NPNT: variants seen among roughly 807,000 people sequenced by gnomAD.
The protein encoded by NPNT is nephronectin.
NPNT carries 45 observed loss-of-function variants against 68.6 expected under a neutral mutation model. The ratio of observed to expected loss-of-function variants is 0.66; its 90% CI spans 0.52 to 0.84. The LOEUF is 0.84. Among genes scored for constraint, NPNT ranks in the 40% least tolerant of loss-of-function variants. The probability of loss-of-function intolerance (pLI) is 0.00; values close to 1 mark genes in which losing one functional copy is unlikely to be tolerated. For synonymous variants in NPNT, 233 were observed against 253.3 expected (o/e 0.92, Z 0.76); for missense variants, 672 against 714.8 (o/e 0.94, Z 0.68).
chr4:105,937,581 T>A (rs528689532), intron 4 of NPNT, among the ~76,000 whole-genome samples: 2 of 152,050 alleles, frequency 1.3e-5, no homozygotes, highest in Admixed American at 6.6e-5. Flanking sequence ...TATAAAAGCC[T>A]TTAGGCTTTT....
intron 3 of NPNT, chr4:105,932,544 C>T: frequency 9.8e-7 from 1 of 1,020,848 alleles, no homozygotes; most frequent in South Asian, 1.4e-5. Context: ...TATATACTTG[C>T]AAAGATTTTT....
intron 6 of NPNT, 140 bp from the exon 7 acceptor site, chr4:105,940,373 GT>G: frequency 9.6e-7 from 1 of 1,042,400 alleles, no homozygotes; most frequent in Non-Finnish European, 1.4e-6. Context: ...TCTACATGTA[GT>G]TTATTTCTTC....
Position 105,970,409 on chromosome 4 carries a change from T to TG in NPNT, c.*1421dup. 1 of 701,316 alleles carries TG rather than the reference T, an allele frequency of 1.4e-6. No homozygotes were observed. Among genetic ancestry groups the TG allele is most frequent in the Non-Finnish European group, 2.6e-6 (1 of 384,032 alleles). The allele number at this position is 701,316 out of a possible 1,614,324, so 43.4% of individuals were successfully genotyped here. A position where few individuals can be genotyped will look rare whatever the true frequency, so the allele number is the denominator to read the frequency against. ...GGAATCACAAAGATGATTAAAGGGTTGGAAAAAAAGATCTATGATGGAAAA... is the reference window on the plus strand; with the variant it reads ...GGAATCACAAAGATGATTAAAGGGTTGGGAAAAAAAGATCTATGATGGAAAA... On this transcript the variant is annotated 3_prime_UTR_variant, in exon 12 of 12. Transcript: ENST00000379987.
chr4:105,937,086 T>G lies in NPNT; in HGVS notation c.343T>G (p.Cys115Gly). Residue 115 changes from cysteine (C) to glycine (G), a missense_variant, in exon 4 of 12, where the codon TGT (cysteine) becomes GGT (glycine). Cys to Gly is a radical substitution (Grantham distance 159). Coordinates refer to ENST00000379987, the MANE Select transcript of NPNT (RefSeq NM_001033047.3). Reference protein sequence around the residue: ...MNTYGSYKCYCLNGYMLMPDG... With the variant: ...MNTYGSYKCYGLNGYMLMPDG... ...CACTTACGGCAGCTACAAGTGCTAC[T>G]GTCTCAACGGATATATGCTCATGCC... 1 of 1,613,822 alleles carries G rather than the reference T, an allele frequency of 6.2e-7. No individual in the cohort carries two copies. Among genetic ancestry groups the G allele is most frequent in the Non-Finnish European group, 8.5e-7 (1 of 1,179,740 alleles).
chr4:105,932,588 C>CTTTTTTTTTTTTTTTTTTTT, intron 3 of NPNT: 1 of 1,501,976 alleles, frequency 6.7e-7, no homozygotes, highest in East Asian at 2.5e-5. Flanking sequence ...AAAGTTGACT[C>CTTTTTTTTTTTTTTTTTTTT]TTATTACCTT....
At position 105,970,516 on chromosome 4, in the gene NPNT, T is replaced by A; in HGVS notation, c.*1526T>A. ...GATGGTTTTCAAGTATATGAAGGGT[T>A]GGCACAGAGAGGGTGGCGACCAGCT... On this transcript the variant is annotated 3_prime_UTR_variant, in exon 12 of 12. Transcript: ENST00000379987. 1.5e-6 allele frequency: 1 copy of A among 687,330 alleles called. No individual in the cohort carries two copies. The highest frequency in any genetic ancestry group is 2.7e-6 in the Non-Finnish European group (1 of 374,196). 42.6% of individuals were successfully genotyped at this position (687,330 alleles called of 1,614,324 possible).
chr4:105,940,464 T>C (rs1729848439), intron 6 of NPNT, 50 bp from the exon 7 acceptor site: 2 of 1,543,502 alleles, frequency 1.3e-6, no homozygotes, highest in East Asian at 2.3e-5. Flanking sequence ...TTTTATGTCA[T>C]CATATTTATC....
At chr4:105,935,561 G>A (rs1229254005) in intron 3 of NPNT, among the ~76,000 whole-genome samples, 2 of 152,070 alleles carry the variant, frequency 1.3e-5, no homozygotes, top group Non-Finnish European at 2.9e-5. Flanking sequence ...CTTTCTGTGA[G>A]GAAATTTTTT....
At chr4:105,958,970 A>G in intron 9 of NPNT, 58 bp from the exon 10 acceptor site, 1 of 1,087,496 alleles carries the variant, frequency 9.2e-7, no homozygotes, top group Non-Finnish European at 1.4e-6. Flanking sequence ...TCATAGATTC[A>G]TTTGTTGTTT....
At chr4:105,935,516 G>T (rs1399465728) in intron 3 of NPNT, among the ~76,000 whole-genome samples, 1 of 152,166 alleles carries the variant, frequency 6.6e-6, no homozygotes, top group Non-Finnish European at 1.5e-5. Context: ...TTAACAGAGG[G>T]AGAAAACATT....
chr4:105,943,826 GA>G (rs1326528021), intron 8 of NPNT, among the ~76,000 whole-genome samples: 1 of 151,966 alleles, frequency 6.6e-6, no homozygotes, highest in Non-Finnish European at 1.5e-5. Context: ...TTTATCAGGT[GA>G]AAAAAATACT....
chr4:105,964,897 C>A (rs1455665643), intron 10 of NPNT, among the ~76,000 whole-genome samples: 1 of 152,042 alleles, frequency 6.6e-6, no homozygotes, highest in African/African-American at 2.4e-5. Context: ...TATTTGCTAC[C>A]ATAGAAAAAT....
rs376029794 is a variant in NPNT at position 105,897,742 on chromosome 4, T to A, written c.72-159T>A. ...TGACATTAGATCATAGCAGAACTAT[T>A]TCTGTGAAGGTGTTTTAACCTTAAA... is the stretch of plus-strand genomic sequence containing the variant. On this transcript the variant is annotated intron_variant, in intron 1 of 11. Coordinates refer to ENST00000379987, the MANE Select transcript of NPNT (RefSeq NM_001033047.3). Among the ~76,000 whole-genome samples the A allele has an allele frequency of 2.6e-3, 396 of 152,348 alleles. 2 individuals carry two copies. Among genetic ancestry groups the A allele is most frequent in the African/African-American group, 9.1e-3 (380 of 41,574 alleles).
intron 6 of NPNT, 116 bp downstream of exon 6, chr4:105,940,325 A>G (rs1473407058): frequency 8.8e-7 from 1 of 1,137,686 alleles, no homozygotes; most frequent in African/African-American, 1.5e-5. Flanking sequence ...GTTAAGTTAA[A>G]CCAACAGACA....
rs141975051 is a variant in NPNT, at chr4:105,956,684, A to G, written c.1160-1787A>G. Among the ~76,000 whole-genome samples the G allele has an allele frequency of 6.5e-3, 984 of 152,262 alleles. 8 individuals are homozygous for G. The highest frequency in any genetic ancestry group is 0.01 in the Admixed American group (157 of 15,298). ...CAATTTTGTAATATTTCTAGTAAATAAAAGAGGCACTCCCCGTCTCAGAGC... is the reference window on the plus strand; with the variant it reads ...CAATTTTGTAATATTTCTAGTAAATGAAAGAGGCACTCCCCGTCTCAGAGC... On this transcript the variant is annotated intron_variant, in intron 8 of 11. Coordinates refer to ENST00000379987, the MANE Select transcript of NPNT (RefSeq NM_001033047.3).
At position 105,904,528 on chromosome 4, in the gene NPNT, G is replaced by A. The variant is rs947524037; in HGVS notation, c.172+6527G>A. On this transcript the variant is annotated intron_variant, in intron 2 of 11. Transcript: ENST00000379987. ...TCATCTGTTTCCCATCAGACCAGAG[G>A]CAATGGGCTGAAGCTAGGAGAATGG... 3.3e-5 allele frequency among the ~76,000 whole-genome samples: 5 copies of A among 152,286 alleles called. No individual in the cohort carries two copies. In the South Asian group the frequency reaches 8.3e-4, roughly 25 times the overall value.
chr4:105,937,985 C>T (rs557500640), intron 4 of NPNT, among the ~76,000 whole-genome samples: 8 of 152,278 alleles, frequency 5.3e-5, no homozygotes, highest in African/African-American at 1.7e-4. Flanking sequence ...ATTTCATGGG[C>T]ATTTGAGACA....
At chr4:105,912,941 T>C (rs1439179503) in intron 2 of NPNT, among the ~76,000 whole-genome samples, 1 of 152,172 alleles carries the variant, frequency 6.6e-6, no homozygotes, top group Non-Finnish European at 1.5e-5. Flanking sequence ...GATCTTGGCT[T>C]ACTGCAAACT....
chr4:105,945,194 G>A (rs544496256), intron 8 of NPNT, among the ~76,000 whole-genome samples: 128 of 152,292 alleles, frequency 8.4e-4, no homozygotes, highest in Middle Eastern at 3.4e-3. Flanking sequence ...TATTTATGGG[G>A]TATGAAAGAT....
Sources: gnomAD v4.1 joint callset for allele counts (sites outside exome capture counted in the v4.1 genomes callset) on GRCh38, gnomAD v4.1.1 for gene constraint, MANE v1.5 for transcripts, NCBI Gene and HGNC (gene_info 2026-07-23, HGNC 2026-07-21) for gene names.